Variants in C12orf56 observed in about 807,000 individuals in gnomAD.
C12orf56 encodes chromosome 12 open reading frame 56.
A neutral mutation model predicts 69.9 loss-of-function variants in C12orf56; 71 were observed. The ratio of observed to expected loss-of-function variants is 1.02; its 90% CI spans 0.84 to 1.24. The LOEUF is 1.24. Ranked by LOEUF, C12orf56 falls within the 50% of genes most tolerant of loss-of-function variation. The pLI, the probability that C12orf56 is intolerant of heterozygous loss-of-function variation, is 0.00. For synonymous variants in C12orf56, 276 were observed against 274.1 expected, an observed-to-expected ratio of 1.01 and a Z score of -0.07; for missense variants, 732 against 738.5, an observed-to-expected ratio of 0.99 and a Z score of 0.10.
intron 2 of C12orf56, among the ~76,000 whole-genome samples, chr12:64,332,033 G>A (rs1296132260): frequency 3.3e-5 from 5 of 151,960 alleles, no homozygotes; most frequent in Admixed American, 1.3e-4. Flanking sequence ...GGCCAGGTGC[G>A]GTGACTCACA....
At chr12:64,324,877 T>C (rs2038818261) in intron 3 of C12orf56, among the ~76,000 whole-genome samples, 1 of 152,126 alleles carries the variant, frequency 6.6e-6, no homozygotes, top group Non-Finnish European at 1.5e-5. Flanking sequence ...TAGAGACATA[T>C]TATGAACTCA....
chr12:64,385,319 G>T (rs911464025), intron 1 of C12orf56, among the ~76,000 whole-genome samples: 1 of 152,152 alleles, frequency 6.6e-6, no homozygotes, highest in Non-Finnish European at 1.5e-5. Flanking sequence ...ACAAACATGT[G>T]TAGACTCTGG....
chr12:64,302,419 A>C (rs1406257404), intron 6 of C12orf56, among the ~76,000 whole-genome samples: 1 of 152,164 alleles, frequency 6.6e-6, no homozygotes, highest in Non-Finnish European at 1.5e-5. Context: ...TGGTCACCCT[A>C]ATCTGGGCAA....
intron 8 of C12orf56, among the ~76,000 whole-genome samples, chr12:64,281,414 TA>T (rs1402164323): frequency 6.6e-6 from 1 of 151,264 alleles, no homozygotes; most frequent in African/African-American, 2.4e-5. Flanking sequence ...ACTAAAAACA[TA>T]AAAAAAATCA....
At chr12:64,284,513 C>A in intron 8 of C12orf56, 151 bp downstream of exon 8, 1 of 531,124 alleles carries the variant, frequency 1.9e-6, no homozygotes, top group Non-Finnish European at 3.2e-6. Flanking sequence ...ACCTGTTCAT[C>A]ATGGAAGGAA....
At chr12:64,300,888 T>C (rs1466284533) in intron 6 of C12orf56, among the ~76,000 whole-genome samples, 1 of 152,150 alleles carries the variant, frequency 6.6e-6, no homozygotes, top group African/African-American at 2.4e-5. Flanking sequence ...CCCACCCAAA[T>C]CTCATCTTGA....
chr12:64,272,097 C>G (rs1240505252), intron 11 of C12orf56, among the ~76,000 whole-genome samples: 1 of 152,172 alleles, frequency 6.6e-6, no homozygotes, highest in Non-Finnish European at 1.5e-5. Context: ...TGGCACATGC[C>G]TGTATTCCCA....
chr12:64,309,261 T>C (rs1315099060), intron 5 of C12orf56, among the ~76,000 whole-genome samples: 1 of 152,200 alleles, frequency 6.6e-6, no homozygotes, highest in Non-Finnish European at 1.5e-5. Context: ...CAAACAGAAA[T>C]TCTATACCCA....
At chr12:64,328,704 AAAATATATATATATATATATAT>A (rs1463983257) in intron 3 of C12orf56, among the ~76,000 whole-genome samples, 17,840 of 37,128 alleles carry the variant, frequency 0.48, 2,952 homozygotes, top group East Asian at 0.67. Context: ...AAAAAAAAAA[AAAATATATATATATATATATAT>A]ATATATATAT....
At position 64,270,643 on chromosome 12, in the gene C12orf56, G is replaced by A. The variant is rs765932215; in HGVS notation, c.1656C>T (p.Pro552=). The change falls in exon 12 of 13, where the codon CCC becomes CCT. Residue 552 remains proline (P), a synonymous_variant. Coordinates refer to ENST00000543942, the MANE Select transcript of C12orf56 (RefSeq NM_001170633.2). Reference sequence around the variant, plus strand: ...GCTGGTACAACAGAACTGCTTGGCAGGGACTTAGCAGCTGAAATGAAGCTG... The same window carrying A: ...GCTGGTACAACAGAACTGCTTGGCAAGGACTTAGCAGCTGAAATGAAGCTG... The part of the protein sequence containing the change: ...GLSASFQLLS[P]CQAVLLYQQF... 6.8e-6 allele frequency: 11 copies of A among 1,613,852 alleles called. No individual in the cohort carries two copies. Among genetic ancestry groups the A allele is most frequent in the Non-Finnish European group, 9.3e-6 (11 of 1,179,824 alleles).
At chr12:64,316,559 G>A (rs531513051) in intron 4 of C12orf56, among the ~76,000 whole-genome samples, 15 of 152,112 alleles carry the variant, frequency 9.9e-5, no homozygotes, top group African/African-American at 2.9e-4. Flanking sequence ...CTAAGAGAAC[G>A]TTATTTTCAA....
At chr12:64,275,100 A>G in intron 10 of C12orf56, 125 bp from the exon 11 acceptor site, 1 of 1,001,942 alleles carries the variant, frequency 1.0e-6, no homozygotes, top group African/African-American at 1.6e-5. Context: ...TTTGGAAAAT[A>G]AACTAGATGA....
At chr12:64,298,725 G>T (rs1191565905) in intron 6 of C12orf56, among the ~76,000 whole-genome samples, 1 of 152,178 alleles carries the variant, frequency 6.6e-6, no homozygotes, top group Non-Finnish European at 1.5e-5. Flanking sequence ...GCTCTGTTCT[G>T]TTCCATTGGT....
chr12:64,299,973 A>G (rs577420989), intron 6 of C12orf56, among the ~76,000 whole-genome samples: 75 of 152,314 alleles, frequency 4.9e-4, no homozygotes, highest in African/African-American at 1.7e-3. Flanking sequence ...TAATAGCCAC[A>G]TGTGGCTAGT....
At chr12:64,277,831 A>G in intron 8 of C12orf56, 28 bp from the exon 9 acceptor site, 1 of 1,494,320 alleles carries the variant, frequency 6.7e-7, no homozygotes. Flanking sequence ...AAAGGCAATT[A>G]GTGAGCAAAG....
chr12:64,346,120 T>C (rs915839365), intron 2 of C12orf56, among the ~76,000 whole-genome samples: 1 of 152,130 alleles, frequency 6.6e-6, no homozygotes, highest in Non-Finnish European at 1.5e-5. Context: ...TAATGGAATA[T>C]ATACATATAC....
At chr12:64,305,675 G>T (rs1384689015) in intron 5 of C12orf56, among the ~76,000 whole-genome samples, 3 of 152,200 alleles carry the variant, frequency 2.0e-5, no homozygotes, top group African/African-American at 4.8e-5. Context: ...GAGCCACTAC[G>T]CCCGGCCAAA....
At position 64,312,587 on chromosome 12, in the gene C12orf56, A is replaced by G. The variant is rs1053818061; in HGVS notation, c.968+92T>C. 39 of 957,006 alleles carry G rather than the reference A, an allele frequency of 4.1e-5. No individual in the cohort carries two copies. In the Middle Eastern group the frequency reaches 6.4e-4, roughly 16 times the overall value. 59.3% of individuals were successfully genotyped at this position (957,006 alleles called of 1,614,324 possible). A position where few individuals can be genotyped will look rare whatever the true frequency, so the allele number is the denominator to read the frequency against. ...CTGTGCCACTGCACTCCAGCCTGGGAAACAGAGTGAGACTCAGTTTCAAAA... is the reference window on the plus strand; with the variant it reads ...CTGTGCCACTGCACTCCAGCCTGGGGAACAGAGTGAGACTCAGTTTCAAAA... On this transcript the variant is annotated intron_variant, in intron 5 of 12. Coordinates refer to ENST00000543942, the MANE Select transcript of C12orf56 (RefSeq NM_001170633.2).
At chr12:64,349,920 T>C (rs570232056) in intron 2 of C12orf56, among the ~76,000 whole-genome samples, 40 of 152,078 alleles carry the variant, frequency 2.6e-4, no homozygotes, top group African/African-American at 9.6e-4. Context: ...GGTGAAACCC[T>C]GTCTCTACTA....
Sources: gnomAD v4.1 joint callset for allele counts (sites outside exome capture counted in the v4.1 genomes callset) on GRCh38, gnomAD v4.1.1 for gene constraint, MANE v1.5 for transcripts, NCBI Gene and HGNC (gene_info 2026-07-23, HGNC 2026-07-21) for gene names.